PAX2: variants seen among roughly 807,000 people sequenced by gnomAD.
The protein encoded by PAX2 is paired box 2, also known as paired box protein Pax-2.
In PAX2, 9 loss-of-function variants were observed where a neutral mutation model predicts 41.7. That is an observed-to-expected ratio of 0.22 (90% CI 0.13 to 0.38). The LOEUF is 0.38. Among genes scored for constraint, PAX2 ranks in the 10% least tolerant of loss-of-function variants. The pLI, the probability that PAX2 is intolerant of heterozygous loss-of-function variation, is 1.00. For missense variants in PAX2, 418 were observed against 531.6 expected (o/e 0.79, Z 2.10); for synonymous variants, 221 against 212.7 (o/e 1.04, Z -0.34).
intron 5 of PAX2, among the ~76,000 whole-genome samples, chr10:100,797,721 T>C (rs1044197304): frequency 1.3e-5 from 2 of 152,152 alleles, no homozygotes; most frequent in Non-Finnish European, 2.9e-5. Context: ...GAGAAATTAA[T>C]GGTGAGGGAG....
rs1848587327 is a variant in PAX2, at chr10:100,826,884, A to AC, written c.1022-122dup. 5.5e-6 allele frequency: 4 copies of AC among 720,736 alleles called. No homozygotes were observed. The highest frequency in any genetic ancestry group is 1.0e-5 in the Non-Finnish European group (4 of 401,894). 44.6% of individuals were successfully genotyped at this position (720,736 alleles called of 1,614,324 possible). On this transcript the variant is annotated intron_variant, in intron 8 of 9. Coordinates refer to ENST00000355243, the MANE Select transcript of PAX2 (RefSeq NM_000278.5). This position sits in a 1 kb window ranked among gnomAD's most constrained non-coding sequence, Gnocchi z 5.5. ...GCCCGGCCCGCCCGCCACGGCCATT[A>AC]CCCTGCCCGCGACACCTGCGCCTGA...
At chr10:100,783,861 C>T (rs973388540) in intron 5 of PAX2, among the ~76,000 whole-genome samples, 3 of 152,054 alleles carry the variant, frequency 2.0e-5, no homozygotes, top group South Asian at 2.1e-4. Flanking sequence ...TGGGCCTATC[C>T]GGGTGGCAAG....
chr10:100,781,219 T>G (rs760245487), intron 4 of PAX2, 27 bp from the exon 5 acceptor site: 1 of 1,613,776 alleles, frequency 6.2e-7, no homozygotes, highest in South Asian at 1.1e-5. Flanking sequence ...GCTATCCTGA[T>G]GCCATTTCCT....
At chr10:100,777,714 A>G (rs1846450147) in intron 3 of PAX2, among the ~76,000 whole-genome samples, 1 of 152,200 alleles carries the variant, frequency 6.6e-6, no homozygotes, top group Admixed American at 6.5e-5. Flanking sequence ...ATCTTGAGTG[A>G]GCTACTTAAA....
chr10:100,741,883 A>T (rs1363437497), upstream of PAX2, among the ~76,000 whole-genome samples: 1 of 151,924 alleles, frequency 6.6e-6, no homozygotes, highest in East Asian at 1.9e-4. Flanking sequence ...TCCTGGGGAG[A>T]TGCATTTAAT....
intron 7 of PAX2, among the ~76,000 whole-genome samples, chr10:100,818,657 C>T (rs910191973): frequency 1.9e-4 from 29 of 152,104 alleles, no homozygotes; most frequent in African/African-American, 6.5e-4. Context: ...CTTGAGGGAT[C>T]AGTTAACCCC....
rs375627737 is a variant in PAX2, at chr10:100,790,103, T to C, written c.616+8738T>C. On this transcript the variant is annotated intron_variant, in intron 5 of 9. Coordinates refer to ENST00000355243, the MANE Select transcript of PAX2 (RefSeq NM_000278.5). Reference sequence around the variant, plus strand: ...TTTGCTTCCCAACTAGTTAATGCTGTTGTGGATGAAGAATTCCATCTGGTT... The same window carrying C: ...TTTGCTTCCCAACTAGTTAATGCTGCTGTGGATGAAGAATTCCATCTGGTT... Among the ~76,000 whole-genome samples, 14 of 152,360 alleles carry C rather than the reference T, an allele frequency of 9.2e-5. No homozygotes were observed. The South Asian group carries it at 2.9e-3, about 32-fold the overall frequency.
intron 1 of PAX2, chr10:100,735,741 C>G (rs926258897): frequency 1.3e-5 from 14 of 1,039,996 alleles, no homozygotes; most frequent in Non-Finnish European, 1.6e-5. Flanking sequence ...CAGGTAAGAG[C>G]GGCAGAGACC....
chr10:100,746,105 TGCTGCGCCCCCCGCC>T lies in PAX2; in HGVS notation c.-155_-141del. 1 of 1,551,810 alleles carries T rather than the reference TGCTGCGCCCCCCGCC, an allele frequency of 6.4e-7. No individual in the cohort carries two copies. ...GGAGGAGCCCCAGCGGGGAGCGCAG[TGCTGCGCCCCCCGCC>T]CCCGCGCGCCCCGCAGCAGCCGGGC... On this transcript the variant is annotated 5_prime_UTR_variant, in exon 1 of 10. Transcript: ENST00000355243.
rs1433988854 is a variant in PAX2 at position 100,746,111 on chromosome 10, GC to G, written c.-144del. On this transcript the variant is annotated 5_prime_UTR_variant, in exon 1 of 10. Coordinates refer to ENST00000355243, the MANE Select transcript of PAX2 (RefSeq NM_000278.5). ...GCCCCAGCGGGGAGCGCAGTGCTGCGCCCCCCGCCCCCGCGCGCCCCGCAGC... is the reference window on the plus strand; with the variant it reads ...GCCCCAGCGGGGAGCGCAGTGCTGCGCCCCCGCCCCCGCGCGCCCCGCAGC... 2 of 1,529,628 alleles carry G rather than the reference GC, an allele frequency of 1.3e-6. No individual in the cohort carries two copies. Among genetic ancestry groups the G allele is most frequent in the Non-Finnish European group, 1.8e-6 (2 of 1,142,840 alleles). 94.8% of individuals were successfully genotyped at this position (1,529,628 alleles called of 1,614,324 possible).
In PAX2 at chr10:100,826,741, G is replaced by T. The variant is rs918021490; in HGVS notation, c.1022-268G>T. On this transcript the variant is annotated intron_variant, in intron 8 of 9. Transcript: ENST00000355243. The surrounding 1 kb of genome is among the most constrained non-coding windows in gnomAD (Gnocchi z 5.5). ...TTCGTGGGTGGCCGCGAGCGCCTCC[G>T]CTGGGAAGCCCTGGGCGGGCACCGG... Among the ~76,000 whole-genome samples, 2 of 152,176 alleles carry T rather than the reference G, an allele frequency of 1.3e-5. No individual in the cohort carries two copies. Among genetic ancestry groups the T allele is most frequent in the Non-Finnish European group, 2.9e-5 (2 of 68,024 alleles).
chr10:100,792,782 T>G (rs1847177039), intron 5 of PAX2, among the ~76,000 whole-genome samples: 1 of 151,326 alleles, frequency 6.6e-6, no homozygotes, highest in South Asian at 2.1e-4. Context: ...ATAGCGTTGA[T>G]TTGCATGTCA....
chr10:100,748,668 C>T lies in PAX2; in HGVS notation c.44-1078C>T. 2.0e-6 allele frequency: 2 copies of T among 985,454 alleles called. No individual in the cohort carries two copies. The highest frequency in any genetic ancestry group is 9.4e-5 in the South Asian group (2 of 21,290). 61.0% of individuals were successfully genotyped at this position (985,454 alleles called of 1,614,324 possible). ...ATGGGGCACAGGAAGCACCCTCAGG[C>T]CTGGCACCCAGTGGCCGCCTCGGTT... On this transcript the variant is annotated intron_variant, in intron 1 of 9. Transcript: ENST00000355243. The surrounding 1 kb of genome is among the most constrained non-coding windows in gnomAD (Gnocchi z 5.0).
intron 7 of PAX2, among the ~76,000 whole-genome samples, chr10:100,815,399 A>C (rs569410732): frequency 6.6e-6 from 1 of 152,286 alleles, no homozygotes; most frequent in African/African-American, 2.4e-5. Context: ...GTGGCAAGTC[A>C]GAGATCCCTT....
chr10:100,766,710 A>G (rs1159045342), intron 3 of PAX2, among the ~76,000 whole-genome samples: 1 of 152,232 alleles, frequency 6.6e-6, no homozygotes, highest in East Asian at 1.9e-4. Flanking sequence ...CCTTCTGAAA[A>G]GCAGCAGTGC....
chr10:100,824,809 T>G lies in PAX2; in HGVS notation c.1021+60T>G. On this transcript the variant is annotated intron_variant, in intron 8 of 9. Coordinates refer to ENST00000355243, the MANE Select transcript of PAX2 (RefSeq NM_000278.5). The surrounding 1 kb of genome is among the most constrained non-coding windows in gnomAD (Gnocchi z 6.6). ...GGGGGGAACTAAATTGTGGGTGAGC[T>G]GCTGAATGGTCTGTAGTCTGAGGCT... 1 of 1,492,982 alleles carries G rather than the reference T, an allele frequency of 6.7e-7. No individual in the cohort carries two copies. The highest frequency in any genetic ancestry group is 9.3e-7 in the Non-Finnish European group (1 of 1,069,564). The allele number at this position is 1,492,982 out of a possible 1,614,324, so 92.5% of individuals were successfully genotyped here. A position where few individuals can be genotyped will look rare whatever the true frequency, so the allele number is the denominator to read the frequency against.
At chr10:100,806,671 T>C (rs764731208) in intron 6 of PAX2, 66 bp downstream of exon 6, 28 of 1,411,048 alleles carry the variant, frequency 2.0e-5, no homozygotes, top group Non-Finnish European at 2.3e-5. Flanking sequence ...TCTCAAAAAC[T>C]TGTTCACTAA....
rs144726366 is a variant in PAX2 at position 100,800,428 on chromosome 10, C to T, written c.617-6002C>T. Among the ~76,000 whole-genome samples the T allele has an allele frequency of 1.6e-3, 244 of 151,936 alleles. 1 individual carries two copies. The highest frequency in any genetic ancestry group is 2.3e-3 in the Non-Finnish European group (159 of 67,930). ...TGAGTAGCTGAGCCACAGGTGCATA[C>T]AACTATGCCCAGCTAATTTTTTATT... On this transcript the variant is annotated intron_variant, in intron 5 of 9. Coordinates refer to ENST00000355243, the MANE Select transcript of PAX2 (RefSeq NM_000278.5).
intron 5 of PAX2, among the ~76,000 whole-genome samples, chr10:100,800,917 T>C (rs1832493076): frequency 6.6e-6 from 1 of 152,218 alleles, no homozygotes. Context: ...AAAGCCTGGA[T>C]GGTATGGAAA....
Sources: gnomAD v4.1 joint callset for allele counts (sites outside exome capture counted in the v4.1 genomes callset) on GRCh38, gnomAD v4.1.1 for gene constraint, Gnocchi (gnomAD v3.1) non-coding constraint, MANE v1.5 for transcripts, NCBI Gene and HGNC (gene_info 2026-07-23, HGNC 2026-07-21) for gene names.